Variants in DCTN3 observed in about 807,000 individuals in gnomAD.
DCTN3 encodes dynactin 3 (p22).
In DCTN3, 25 loss-of-function variants were observed where a neutral mutation model predicts 28.4. The ratio of observed to expected loss-of-function variants is 0.88; its 90% CI spans 0.64 to 1.23. The LOEUF is 1.23. DCTN3 is among the 50% of genes most tolerant of loss of function. DCTN3 has a pLI of 0.00. For synonymous variants in DCTN3, 81 were observed against 91.4 expected, an observed-to-expected ratio of 0.89 and a Z score of 0.65; for missense variants, 229 against 232.0, an observed-to-expected ratio of 0.99 and a Z score of 0.08.
chr9:34,617,551 C>A, intron 3 of DCTN3: 1 of 940,512 alleles, frequency 1.1e-6, no homozygotes, highest in Non-Finnish European at 1.4e-6. Flanking sequence ...TGGCAATGCT[C>A]TCTGCCCCTA....
At chr9:34,619,271 A>C (rs1172919704) in intron 1 of DCTN3, among the ~76,000 whole-genome samples, 1 of 152,236 alleles carries the variant, frequency 6.6e-6, no homozygotes, top group Non-Finnish European at 1.5e-5. Flanking sequence ...GGGCATACAG[A>C]TTGAGTTTGA....
At chr9:34,617,754 G>A (rs1820455230) in intron 3 of DCTN3, 131 bp downstream of exon 3, 1 of 1,530,972 alleles carries the variant, frequency 6.5e-7, no homozygotes. Flanking sequence ...CCCAGAACCA[G>A]GCCACAATTC....
intron 4 of DCTN3, chr9:34,615,230 T>G: frequency 6.3e-6 from 1 of 158,416 alleles, no homozygotes; most frequent in Non-Finnish European, 1.4e-5. Context: ...GGCTGTCAGA[T>G]ACTCAGCGGG....
intron 3 of DCTN3, 200 bp downstream of exon 3, chr9:34,617,685 C>T: frequency 6.8e-7 from 1 of 1,481,436 alleles, no homozygotes; most frequent in South Asian, 1.2e-5. Flanking sequence ...CCATGGCCTG[C>T]AGCTGGTGCA....
In DCTN3 at chr9:34,620,482, C is replaced by T. The variant is rs1334605075; in HGVS notation, c.-18G>A. 3 of 1,547,536 alleles carry T rather than the reference C, an allele frequency of 1.9e-6. No homozygotes were observed. The highest frequency in any genetic ancestry group is 1.4e-5 in the African/African-American group (1 of 73,162). On this transcript the variant is annotated 5_prime_UTR_variant, in exon 1 of 7. Coordinates refer to ENST00000259632, the MANE Select transcript of DCTN3 (RefSeq NM_007234.5). ...CCCGCCATCGCTACTACCGACCCAC[C>T]TCGGCCAGGAAACAGCCAGAGGGCG...
chr9:34,619,619 T>C lies in DCTN3; in HGVS notation c.96+750A>G, dbSNP rs527456947. Among the ~76,000 whole-genome samples the C allele has an allele frequency of 2.0e-5, 3 of 152,240 alleles. No homozygotes were observed. The South Asian group carries it at 6.2e-4, about 32-fold the overall frequency. On this transcript the variant is annotated intron_variant, in intron 1 of 6. Transcript: ENST00000259632. ...AAACCAGGAGGGTCAGCGTCATAGATCCCAAAGGAAGAGAATGTTTGAGAA... is the reference window on the plus strand; with the variant it reads ...AAACCAGGAGGGTCAGCGTCATAGACCCCAAAGGAAGAGAATGTTTGAGAA...
Position 34,616,073 on chromosome 9 carries a change from C to G in DCTN3, c.309G>C (p.Gln103His), listed in dbSNP as rs765886984. The G allele has an allele frequency of 6.2e-7, 1 of 1,614,142 alleles. No homozygotes were observed. The highest frequency in any genetic ancestry group is 8.5e-7 in the Non-Finnish European group (1 of 1,180,020). ...FILSQVALLE[Q>H]VNALVPMLDS... ...CCAGCATGGGCACCAAGGCATTCAC[C>G]TGCTCCAGGAGTGCAACCTGGGAAA... Residue 103 changes from glutamine (Q) to histidine (H), a missense_variant, in exon 4 of 7, where the codon CAG (glutamine) becomes CAC (histidine). Transcript: ENST00000259632. This position sits in a 1 kb window ranked among gnomAD's most constrained non-coding sequence, Gnocchi z 4.7.
Position 34,613,720 on chromosome 9 carries a change from C to A in DCTN3, c.*62G>T. On this transcript the variant is annotated 3_prime_UTR_variant, in exon 7 of 7. Transcript: ENST00000259632. The stretch of plus-strand genomic sequence containing the variant: ...AGCTTCCTCTGCCTTGTAACAAAGG[C>A]AGGTTGGCATAGGGCCCTGGAGCCT... 1 of 1,603,862 alleles carries A rather than the reference C, an allele frequency of 6.2e-7. No homozygotes were observed.
chr9:34,617,574 A>G, intron 3 of DCTN3: 1 of 1,174,328 alleles, frequency 8.5e-7, no homozygotes, highest in Non-Finnish European at 1.1e-6. Flanking sequence ...CTTTCCTAGA[A>G]GCTCCTCTGT....
intron 2 of DCTN3, among the ~76,000 whole-genome samples, chr9:34,618,441 A>G (rs1820473052): frequency 6.6e-6 from 1 of 152,228 alleles, no homozygotes; most frequent in African/African-American, 2.4e-5. Context: ...AGAAGCTTTC[A>G]GGTAGAGCTC....
At chr9:34,614,917 C>T in intron 4 of DCTN3, 149 bp from the exon 5 acceptor site, 1 of 891,052 alleles carries the variant, frequency 1.1e-6, no homozygotes, top group South Asian at 1.6e-5. Context: ...CTGGAGGTGG[C>T]AGTGGGGCTC....
At chr9:34,614,305 A>G (rs1820372287) in intron 5 of DCTN3, 3 of 1,180,038 alleles carry the variant, frequency 2.5e-6, no homozygotes, top group Admixed American at 2.5e-5. Flanking sequence ...ACGGATGGAA[A>G]AGGGAGTGGC....
intron 4 of DCTN3, chr9:34,615,655 T>C (rs1820407194): frequency 6.0e-6 from 1 of 167,688 alleles, no homozygotes; most frequent in African/African-American, 2.4e-5. Flanking sequence ...CTCACGCCTG[T>C]AATCCCAGCA....
rs149666088 is a variant in DCTN3 at position 34,614,722 on chromosome 9, G to A, written c.399C>T (p.His133=). ...TCCCCTCCCATACCTGCTGCTGAAT[G>A]TGGATCTGGGCCAAGCGCTGCAGGC... ...AARLQRLAQI[H]IQQQDQCVEI... Residue 133 remains histidine, a synonymous_variant, in exon 5 of 7, where the codon CAC becomes CAT. Transcript: ENST00000259632. The A allele has an allele frequency of 1.2e-5, 19 of 1,614,014 alleles. No homozygotes were observed. The highest frequency in any genetic ancestry group is 1.4e-5 in the Non-Finnish European group (17 of 1,180,052).
Position 34,613,755 on chromosome 9 carries a change from G to T in DCTN3, c.*27C>A. 1 of 1,612,902 alleles carries T rather than the reference G, an allele frequency of 6.2e-7. No individual in the cohort carries two copies. Among genetic ancestry groups the T allele is most frequent in the Non-Finnish European group, 8.5e-7 (1 of 1,179,428 alleles). On this transcript the variant is annotated 3_prime_UTR_variant, in exon 7 of 7. Coordinates refer to ENST00000259632, the MANE Select transcript of DCTN3 (RefSeq NM_007234.5). ...TAGGGCCCTGGAGCCTGACTGCCCA[G>T]GCCCACTTTGGGATGGGGAGCAGCT...
At chr9:34,618,620 C>T in intron 2 of DCTN3, 56 bp downstream of exon 2, 2 of 1,393,290 alleles carry the variant, frequency 1.4e-6, no homozygotes, top group Non-Finnish European at 2.0e-6. Context: ...GGGCCAGGTA[C>T]CAGGAAGCTG....
chr9:34,617,241 C>G (rs566406630), intron 3 of DCTN3, among the ~76,000 whole-genome samples: 1 of 152,176 alleles, frequency 6.6e-6, no homozygotes. Flanking sequence ...GTTATAAGCT[C>G]AGGTCCCTGA....
intron 6 of DCTN3, 26 bp downstream of exon 6, chr9:34,614,016 G>C (rs1040918394): frequency 3.1e-6 from 5 of 1,604,676 alleles, no homozygotes; most frequent in Non-Finnish European, 3.4e-6. Flanking sequence ...GCACCCATTA[G>C]GGTCCTAGTT....
chr9:34,618,018 G>A lies in DCTN3; in HGVS notation c.182-47C>T, dbSNP rs1258536877. On this transcript the variant is annotated intron_variant, in intron 2 of 6. Coordinates refer to ENST00000259632, the MANE Select transcript of DCTN3 (RefSeq NM_007234.5). ...AAATGGAATAGGGTTGGGCAGTAGAGCTCTGCCTTATGAAGGATGTTTGAC... is the reference window on the plus strand; with the variant it reads ...AAATGGAATAGGGTTGGGCAGTAGAACTCTGCCTTATGAAGGATGTTTGAC... The A allele has an allele frequency of 3.8e-6, 6 of 1,577,588 alleles. No individual in the cohort carries two copies. The South Asian group carries it at 6.9e-5, about 18-fold the overall frequency.
Sources: allele counts gnomAD v4.1 joint callset (sites outside exome capture counted in the v4.1 genomes callset), GRCh38; gene constraint gnomAD v4.1.1; non-coding constraint Gnocchi (gnomAD v3.1); transcripts MANE v1.5; gene names NCBI Gene and HGNC (gene_info 2026-07-23, HGNC 2026-07-21).